The following ITPRID1 variants were observed in gnomAD, a reference collection of about 807,000 sequenced individuals.
The protein encoded by ITPRID1 is ITPR interacting domain containing 1, also known as protein ITPRID1.
In ITPRID1, 96 loss-of-function variants were observed where a neutral mutation model predicts 95.4. The observed-to-expected ratio is 1.01, with a 90% CI of 0.85 to 1.19. The LOEUF is 1.19. ITPRID1 is among the 50% of genes most tolerant of loss of function. The pLI is 0.00. For synonymous variants in ITPRID1, 510 were observed against 453.6 expected, an observed-to-expected ratio of 1.12 and a Z score of -1.58; for missense variants, 1,339 against 1,252.9, an observed-to-expected ratio of 1.07 and a Z score of -1.04.
chr7:31,602,881 C>T (rs1339538526), intron 10 of ITPRID1, among the ~76,000 whole-genome samples: 1 of 151,632 alleles, frequency 6.6e-6, no homozygotes, highest in Non-Finnish European at 1.5e-5. Context: ...TGCATCTCCC[C>T]ACCCCCTCCC....
At chr7:31,612,971 A>G (rs1786946900) in intron 10 of ITPRID1, among the ~76,000 whole-genome samples, 1 of 152,208 alleles carries the variant, frequency 6.6e-6, no homozygotes, top group South Asian at 2.1e-4. Context: ...TGTTTTAAAC[A>G]TACACCCTGC....
intron 10 of ITPRID1, among the ~76,000 whole-genome samples, chr7:31,601,540 C>T (rs1307776203): frequency 2.0e-5 from 3 of 152,120 alleles, no homozygotes; most frequent in Non-Finnish European, 4.4e-5. Flanking sequence ...GATTAAATAA[C>T]AAAATTGCTC....
intron 10 of ITPRID1, among the ~76,000 whole-genome samples, chr7:31,599,831 G>T (rs1389189795): frequency 1.3e-5 from 2 of 151,756 alleles, no homozygotes; most frequent in Non-Finnish European, 2.9e-5. Context: ...GAGTAGCTGG[G>T]ACTACAGGCG....
chr7:31,531,948 G>A (rs1783611332), intron 1 of ITPRID1, among the ~76,000 whole-genome samples: 1 of 152,164 alleles, frequency 6.6e-6, no homozygotes, highest in South Asian at 2.1e-4. Context: ...AACTGAAGCT[G>A]AAGGTAATAG....
intron 10 of ITPRID1, among the ~76,000 whole-genome samples, chr7:31,599,367 G>A (rs932648392): frequency 6.6e-6 from 1 of 152,042 alleles, no homozygotes; most frequent in African/African-American, 2.4e-5. Flanking sequence ...TATTAATAAT[G>A]TGCAAAGTAA....
At chr7:31,523,275 G>A (rs1359828750) in intron 1 of ITPRID1, among the ~76,000 whole-genome samples, 1 of 152,196 alleles carries the variant, frequency 6.6e-6, no homozygotes, top group Non-Finnish European at 1.5e-5. Flanking sequence ...CCTGTATACA[G>A]GATTGAGATG....
At chr7:31,594,059 G>T (rs376227925) in intron 10 of ITPRID1, among the ~76,000 whole-genome samples, 6 of 152,190 alleles carry the variant, frequency 3.9e-5, no homozygotes, top group African/African-American at 1.4e-4. Context: ...TACAGCAGTG[G>T]TCCTATAAAA....
intron 1 of ITPRID1, among the ~76,000 whole-genome samples, chr7:31,521,619 C>CT (rs1366537332): frequency 2.9e-5 from 1 of 34,620 alleles, no homozygotes; most frequent in African/African-American, 1.4e-4. Context: ...TTCTCCTTTC[C>CT]CTCCTTCCTT....
At chr7:31,637,836 C>G (rs971438358) in intron 10 of ITPRID1, among the ~76,000 whole-genome samples, 1 of 152,150 alleles carries the variant, frequency 6.6e-6, no homozygotes, top group Non-Finnish European at 1.5e-5. Flanking sequence ...AACAGTATTG[C>G]CTAGGTTTTC....
At chr7:31,623,582 T>G (rs1369295123) in intron 10 of ITPRID1, among the ~76,000 whole-genome samples, 1 of 150,788 alleles carries the variant, frequency 6.6e-6, no homozygotes, top group African/African-American at 2.4e-5. Flanking sequence ...TCTCAATAAA[T>G]TAGGTATTGA....
Position 31,642,897 on chromosome 7 carries a change from G to A in ITPRID1, c.1527G>A (p.Glu509=). The change falls in exon 12 of 15, where the codon GAG becomes GAA. Residue 509 remains glutamate, a synonymous_variant. Transcript: ENST00000615280. ...VSVMEEEFLL[E]AMEGPPELYI... ...TGATGGAGGAAGAGTTTCTGCTTGAGGCCATGGAGGGGCCACCAGAGCTGT... is the reference window on the plus strand; with the variant it reads ...TGATGGAGGAAGAGTTTCTGCTTGAAGCCATGGAGGGGCCACCAGAGCTGT... 1 of 1,614,030 alleles carries A rather than the reference G, an allele frequency of 6.2e-7. No individual in the cohort carries two copies. Among genetic ancestry groups the A allele is most frequent in the South Asian group, 1.1e-5 (1 of 91,086 alleles).
In ITPRID1 at chr7:31,573,275, G is replaced by A. The variant is rs1035171131; in HGVS notation, c.395+1087G>A. Among the ~76,000 whole-genome samples the A allele has an allele frequency of 4.6e-5, 7 of 152,006 alleles. No individual in the cohort carries two copies. The South Asian group carries it at 6.2e-4, about 14-fold the overall frequency. On this transcript the variant is annotated intron_variant, in intron 7 of 14. Coordinates refer to ENST00000615280, the MANE Select transcript of ITPRID1 (RefSeq NM_001257967.3). ...ATGTAGTGGGTGTTTTAATTGGCTC[G>A]ATTGAATATTTCTACAACATATACA...
In ITPRID1 at chr7:31,652,899, A is replaced by C; in HGVS notation, c.*70A>C. 1 of 1,550,360 alleles carries C rather than the reference A, an allele frequency of 6.5e-7. No homozygotes were observed. The highest frequency in any genetic ancestry group is 8.7e-7 in the Non-Finnish European group (1 of 1,147,446). ...GAACAGATGTAGCAAGGAAATTTCA[A>C]TTTTCCCCAAGGAGAAGGGTCTGCC... On this transcript the variant is annotated 3_prime_UTR_variant, in exon 15 of 15. Transcript: ENST00000615280.
chr7:31,643,093 G>A lies in ITPRID1; in HGVS notation c.1723G>A (p.Glu575Lys), dbSNP rs772226215. 5.0e-6 allele frequency: 8 copies of A among 1,613,878 alleles called. No individual in the cohort carries two copies. Among genetic ancestry groups the A allele is most frequent in the Non-Finnish European group, 5.1e-6 (6 of 1,179,908 alleles). The change falls in exon 12 of 15, where the codon GAA (glutamate) becomes AAA (lysine). Residue 575 changes from glutamate (E) to lysine (K), a missense_variant. Transcript: ENST00000615280. The stretch of plus-strand genomic sequence containing the variant: ...GGGGTTTATGGTAACCCACGTCACA[G>A]AAATGCAGGACAGTTTTGTGAGGCC... ...PLGFMVTHVT[E>K]MQDSFVRPEG...
chr7:31,532,977 G>A (rs1783648009), intron 1 of ITPRID1, among the ~76,000 whole-genome samples: 1 of 151,990 alleles, frequency 6.6e-6, no homozygotes, highest in Non-Finnish European at 1.5e-5. Flanking sequence ...TCTATAATTT[G>A]TTTTCTTGAA....
At chr7:31,628,436 C>A (rs573464420) in intron 10 of ITPRID1, among the ~76,000 whole-genome samples, 1 of 151,730 alleles carries the variant, frequency 6.6e-6, no homozygotes, top group East Asian at 1.9e-4. Context: ...AAGAGAAACA[C>A]AAGCGTGATT....
chr7:31,614,828 G>GAAAC (rs1328297590), intron 10 of ITPRID1, among the ~76,000 whole-genome samples: 1 of 152,070 alleles, frequency 6.6e-6, no homozygotes, highest in African/African-American at 2.4e-5. Context: ...AATTACTTCA[G>GAAAC]AAACAGCCAC....
intron 10 of ITPRID1, among the ~76,000 whole-genome samples, chr7:31,593,156 G>T (rs530594018): frequency 9.5e-4 from 145 of 151,954 alleles, no homozygotes; most frequent in Middle Eastern, 6.8e-3. Context: ...AATACAAAAA[G>T]TAGCTGGGCA....
chr7:31,515,673 G>A (rs1460219551), intron 1 of ITPRID1, among the ~76,000 whole-genome samples: 1 of 152,178 alleles, frequency 6.6e-6, no homozygotes, highest in Admixed American at 6.5e-5. Flanking sequence ...ACAAGGATTG[G>A]CAACAACTTG....
Sources: allele counts gnomAD v4.1 joint callset (sites outside exome capture counted in the v4.1 genomes callset), GRCh38; gene constraint gnomAD v4.1.1; transcripts MANE v1.5; gene names NCBI Gene and HGNC (gene_info 2026-07-23, HGNC 2026-07-21).